The following CTNNA2 variants were observed in gnomAD, a reference collection of about 807,000 sequenced individuals.
CTNNA2 encodes catenin alpha 2.
CTNNA2 carries 42 observed loss-of-function variants against 101.0 expected under a neutral mutation model. The observed-to-expected ratio is 0.42, with a 90% CI of 0.32 to 0.54. The LOEUF is 0.54. Among genes scored for constraint, CTNNA2 ranks in the 20% least tolerant of loss-of-function variants. CTNNA2 has a pLI of 0.14. For missense variants in CTNNA2, 871 were observed against 1,223.1 expected, an observed-to-expected ratio of 0.71 and a Z score of 4.29; for synonymous variants, 450 against 456.4, an observed-to-expected ratio of 0.99 and a Z score of 0.18.
intron 3 of CTNNA2, among the ~76,000 whole-genome samples, chr2:79,367,419 A>T (rs929020785): frequency 2.0e-5 from 3 of 152,232 alleles, no homozygotes; most frequent in African/African-American, 7.2e-5. Context: ...GGAAATTGAA[A>T]GTGCAAAGGC....
chr2:80,281,820 T>G (rs984717803), intron 7 of CTNNA2, among the ~76,000 whole-genome samples: 4 of 152,140 alleles, frequency 2.6e-5, no homozygotes, highest in African/African-American at 9.7e-5. Flanking sequence ...ATATAGTTTT[T>G]AAAATATTCT....
chr2:79,360,453 T>C (rs1275852655), intron 3 of CTNNA2, among the ~76,000 whole-genome samples: 1 of 152,090 alleles, frequency 6.6e-6, no homozygotes, highest in African/African-American at 2.4e-5. Context: ...GAAGCAGTAA[T>C]AGGGGAAACA....
intron 1 of CTNNA2, among the ~76,000 whole-genome samples, chr2:79,577,394 G>A (rs116596796): frequency 1.9e-3 from 285 of 151,876 alleles, no homozygotes; most frequent in African/African-American, 6.3e-3. Context: ...GATTTATATC[G>A]AAGACATGGT....
chr2:80,114,109 C>T (rs554102922), intron 7 of CTNNA2, among the ~76,000 whole-genome samples: 11 of 152,200 alleles, frequency 7.2e-5, no homozygotes, highest in East Asian at 3.9e-4. Context: ...GAGAAAATTC[C>T]GTCGTCTAAA....
At chr2:79,771,940 G>T (rs933431947) in intron 3 of CTNNA2, among the ~76,000 whole-genome samples, 2 of 152,090 alleles carry the variant, frequency 1.3e-5, no homozygotes, top group Non-Finnish European at 2.9e-5. Context: ...CCGTGTTAAA[G>T]ATGTAACAAT....
rs548678266 is a variant in CTNNA2 at position 80,484,795 on chromosome 2, C to A, written c.1291-60187C>A. Among the ~76,000 whole-genome samples, 423 of 152,132 alleles carry A rather than the reference C, an allele frequency of 2.8e-3. 4 individuals carry two copies. Among genetic ancestry groups the A allele is most frequent in the Non-Finnish European group, 4.7e-3 (320 of 67,994 alleles). On this transcript the variant is annotated intron_variant, in intron 9 of 18. Coordinates refer to ENST00000402739, the MANE Select transcript of CTNNA2 (RefSeq NM_001282597.3). Reference sequence around the variant, plus strand: ...GCCAAGGCGGGCGGATCACTAGGTCCGGAGATCGAGACCATCCTGGCTACC... The same window carrying A: ...GCCAAGGCGGGCGGATCACTAGGTCAGGAGATCGAGACCATCCTGGCTACC...
intron 7 of CTNNA2, among the ~76,000 whole-genome samples, chr2:79,928,190 A>C (rs551276543): frequency 6.6e-6 from 1 of 152,214 alleles, no homozygotes; most frequent in African/African-American, 2.4e-5. Flanking sequence ...AAGCTCAAGG[A>C]TCTTGTCTAA....
At chr2:80,280,721 A>T (rs1412617862) in intron 7 of CTNNA2, among the ~76,000 whole-genome samples, 1 of 152,100 alleles carries the variant, frequency 6.6e-6, no homozygotes, top group African/African-American at 2.4e-5. Flanking sequence ...TTTAAATTGT[A>T]TGCTATTCTG....
At chr2:79,606,799 T>G (rs1349023452) in intron 1 of CTNNA2, among the ~76,000 whole-genome samples, 2 of 152,146 alleles carry the variant, frequency 1.3e-5, no homozygotes, top group Non-Finnish European at 2.9e-5. Context: ...CTAAACAATG[T>G]TAATAAGCCA....
chr2:80,413,074 T>G (rs1679731148), intron 8 of CTNNA2, among the ~76,000 whole-genome samples: 1 of 152,166 alleles, frequency 6.6e-6, no homozygotes, highest in Non-Finnish European at 1.5e-5. Flanking sequence ...TATAATTATC[T>G]ATTCCATCAG....
chr2:80,316,413 C>A (rs547579000), intron 7 of CTNNA2, among the ~76,000 whole-genome samples: 2 of 152,218 alleles, frequency 1.3e-5, no homozygotes, highest in Admixed American at 1.3e-4. Context: ...CTTAACTGGA[C>A]CTTGATTTTC....
chr2:79,487,610 C>T (rs1481657816), intron 4 of CTNNA2, among the ~76,000 whole-genome samples: 1 of 152,192 alleles, frequency 6.6e-6, no homozygotes, highest in Admixed American at 6.5e-5. Flanking sequence ...TGCAGCTGAG[C>T]TCTCAGCATT....
At chr2:80,574,133 C>A in intron 12 of CTNNA2, 30 bp from the exon 13 acceptor site, 1 of 1,598,942 alleles carries the variant, frequency 6.3e-7, no homozygotes, top group South Asian at 1.1e-5. Context: ...GAGAAATTGC[C>A]TAATCCTCTG....
chr2:79,337,467 C>A (rs1231446261), intron 3 of CTNNA2, among the ~76,000 whole-genome samples: 2 of 152,170 alleles, frequency 1.3e-5, no homozygotes, highest in Non-Finnish European at 2.9e-5. Flanking sequence ...GCATTACTAG[C>A]ATTTTTGCTA....
At chr2:80,446,699 C>T (rs558149118) in intron 9 of CTNNA2, among the ~76,000 whole-genome samples, 48 of 152,112 alleles carry the variant, frequency 3.2e-4, no homozygotes, top group Non-Finnish European at 5.1e-4. Flanking sequence ...TTCAACAGGA[C>T]GTTTCAACAA....
chr2:79,236,415 G>T (rs928193474), intron 2 of CTNNA2, among the ~76,000 whole-genome samples: 1 of 152,256 alleles, frequency 6.6e-6, no homozygotes, highest in South Asian at 2.1e-4. Flanking sequence ...TTACACACAT[G>T]AACCACTGCA....
chr2:80,019,954 A>G (rs998357283), intron 7 of CTNNA2, among the ~76,000 whole-genome samples: 7 of 152,112 alleles, frequency 4.6e-5, no homozygotes, highest in African/African-American at 1.7e-4. Flanking sequence ...GGCACTCCTT[A>G]TTTCCTGTAA....
Position 79,842,500 on chromosome 2 carries a change from T to TATC in CTNNA2, c.299-15498_299-15496dup, listed in dbSNP as rs535641232. Among the ~76,000 whole-genome samples, 27 of 152,186 alleles carry TATC rather than the reference T, an allele frequency of 1.8e-4. No homozygotes were observed. In the South Asian group the frequency reaches 5.2e-3, roughly 29 times the overall value. On this transcript the variant is annotated intron_variant, in intron 3 of 18. Coordinates refer to ENST00000402739, the MANE Select transcript of CTNNA2 (RefSeq NM_001282597.3). ...TCATCCGCTTCTAAGTCATCATTGT[T>TATC]ATCATCATCATCATCATTGTCATCT...
At chr2:80,117,646 A>T (rs1044303230) in intron 7 of CTNNA2, among the ~76,000 whole-genome samples, 7 of 152,140 alleles carry the variant, frequency 4.6e-5, no homozygotes, top group African/African-American at 7.2e-5. Flanking sequence ...TTTCCAGGCC[A>T]GTTGGCTGGA....
Sources: allele counts gnomAD v4.1 joint callset (sites outside exome capture counted in the v4.1 genomes callset), GRCh38; gene constraint gnomAD v4.1.1; transcripts MANE v1.5; gene names NCBI Gene and HGNC (gene_info 2026-07-23, HGNC 2026-07-21).